SAMD3: variants seen among roughly 807,000 people sequenced by gnomAD.
The protein encoded by SAMD3 is sterile alpha motif domain containing 3, also known as sterile alpha motif domain-containing protein 3.
SAMD3 carries 63 observed loss-of-function variants against 58.5 expected under a neutral mutation model. The observed-to-expected ratio is 1.08, with a 90% CI of 0.88 to 1.33. The LOEUF is 1.33. Among genes scored for constraint, SAMD3 ranks in the 40% most tolerant of loss-of-function variants. SAMD3 has a pLI of 0.00. For missense variants in SAMD3, 604 were observed against 608.4 expected, an observed-to-expected ratio of 0.99 and a Z score of 0.08; for synonymous variants, 220 against 210.3, an observed-to-expected ratio of 1.05 and a Z score of -0.40.
intron 8 of SAMD3, among the ~76,000 whole-genome samples, chr6:130,170,016 C>T (rs1388756836): frequency 5.3e-5 from 8 of 152,080 alleles, no homozygotes; most frequent in African/African-American, 1.9e-4. Flanking sequence ...TAATGTAATG[C>T]TGTTATTTTA....
At position 130,154,813 on chromosome 6, in the gene SAMD3, G is replaced by T. The variant is rs1239472463; in HGVS notation, c.1023+12C>A. 4 of 1,528,856 alleles carry T rather than the reference G, an allele frequency of 2.6e-6. No homozygotes were observed. The highest frequency in any genetic ancestry group is 2.3e-5 in the East Asian group (1 of 42,816). 94.7% of individuals were successfully genotyped at this position (1,528,856 alleles called of 1,614,324 possible). ...ATATATGTGTGTGTATATATATATA[G>T]AATAAAGATACCTGATAAGGGCACT... On this transcript the variant is annotated intron_variant, in intron 9 of 11. Transcript: ENST00000439090.
At chr6:130,240,553 C>G (rs1773319957) in intron 2 of SAMD3, among the ~76,000 whole-genome samples, 1 of 152,160 alleles carries the variant, frequency 6.6e-6, no homozygotes, top group Non-Finnish European at 1.5e-5. Flanking sequence ...ATAGTGAATG[C>G]TGTGGTTTAA....
chr6:130,167,632 C>G (rs555891273), intron 8 of SAMD3, among the ~76,000 whole-genome samples: 2 of 152,210 alleles, frequency 1.3e-5, no homozygotes, highest in Non-Finnish European at 2.9e-5. Context: ...TATAAATACA[C>G]GATGAGGTAC....
chr6:130,355,221 C>G (rs555757238), intron 1 of SAMD3, among the ~76,000 whole-genome samples: 1 of 152,026 alleles, frequency 6.6e-6, no homozygotes, highest in African/African-American at 2.4e-5. Context: ...GCCGGGAGCT[C>G]GAGACCAGCC....
Position 130,209,499 on chromosome 6 carries a change from G to C in SAMD3, c.379C>G (p.Gln127Glu), listed in dbSNP as rs1423655842. 5.7e-6 allele frequency: 9 copies of C among 1,589,506 alleles called. No individual in the cohort carries two copies. The South Asian group carries it at 8.8e-5, about 16-fold the overall frequency. Residue 127 changes from glutamine to glutamate, a missense_variant, in exon 5 of 12, where the codon CAG (glutamine) becomes GAG (glutamate). Coordinates refer to ENST00000439090, the MANE Select transcript of SAMD3 (RefSeq NM_001017373.4). ...TCTTAAAGTTGGTACCCCCACCTCT[G>C]TTTCAATACTCTTTGGTCAATTAGT... ...NGLIDQRVLK[Q>E]RRNVKQILAR...
chr6:130,143,407 G>A (rs866248207), downstream of SAMD3, among the ~76,000 whole-genome samples: 18 of 151,990 alleles, frequency 1.2e-4, no homozygotes, highest in Non-Finnish European at 8.8e-5. Flanking sequence ...TACCACACCC[G>A]GCTAATTTGT....
In SAMD3 at chr6:130,222,735, GAGA is replaced by G. The variant is rs1562465496; in HGVS notation, c.-112_-110del. ...GGCTTTTGGTCCATCTCTTCCAGAA[GAGA>G]AGATCAAAGGAGAGAGCACCCCTCC... On this transcript the variant is annotated 5_prime_UTR_variant, in exon 1 of 12. Coordinates refer to ENST00000439090, the MANE Select transcript of SAMD3 (RefSeq NM_001017373.4). 6.6e-6 allele frequency: 1 copy of G among 152,210 alleles called. No individual in the cohort carries two copies. The allele number at this position is 152,210 out of a possible 1,614,324, so 9.4% of individuals were successfully genotyped here. A position where few individuals can be genotyped will look rare whatever the true frequency, so the allele number is the denominator to read the frequency against.
At chr6:130,318,718 T>C (rs6913429) in intron 1 of SAMD3, among the ~76,000 whole-genome samples, 64,485 of 151,886 alleles carry the variant, frequency 0.42, 15,291 homozygotes, top group African/African-American at 0.64. Context: ...CATGAGCCAC[T>C]GTGCCCAGCC....
chr6:130,353,643 T>C (rs907634953), intron 1 of SAMD3, among the ~76,000 whole-genome samples: 3 of 152,136 alleles, frequency 2.0e-5, no homozygotes, highest in African/African-American at 7.2e-5. Context: ...TTATCCAAAA[T>C]AAGCTTTGAC....
intron 8 of SAMD3, among the ~76,000 whole-genome samples, chr6:130,166,846 C>T (rs376297210): frequency 6.6e-6 from 1 of 152,150 alleles, no homozygotes; most frequent in Non-Finnish European, 1.5e-5. Flanking sequence ...ACCTATTAGT[C>T]TCAGCAGCAT....
chr6:130,358,481 C>T (rs1348737853), intron 1 of SAMD3, among the ~76,000 whole-genome samples: 3 of 152,132 alleles, frequency 2.0e-5, no homozygotes, highest in Non-Finnish European at 2.9e-5. Context: ...CTTCCAAAAT[C>T]TGTCATTTAT....
chr6:130,197,431 T>C (rs1794237043), intron 5 of SAMD3, among the ~76,000 whole-genome samples: 1 of 152,248 alleles, frequency 6.6e-6, no homozygotes, highest in Non-Finnish European at 1.5e-5. Context: ...AAATAATCTT[T>C]GCTGGTAGGA....
intron 2 of SAMD3, among the ~76,000 whole-genome samples, chr6:130,308,936 A>T (rs1776043186): frequency 6.6e-6 from 1 of 152,164 alleles, no homozygotes; most frequent in Admixed American, 6.5e-5. Flanking sequence ...AAACAGGCAT[A>T]ATTATTATCC....
In SAMD3 at chr6:130,184,642, C is replaced by G. The variant is rs765256553; in HGVS notation, c.384-19G>C. On this transcript the variant is annotated intron_variant, in intron 5 of 11. Transcript: ENST00000439090. ...ATTTCTTCTGTGAAATAAAAACACACAAAGAATGAAATTCTATTCCAAATA... is the reference window on the plus strand; with the variant it reads ...ATTTCTTCTGTGAAATAAAAACACAGAAAGAATGAAATTCTATTCCAAATA... 2 of 1,586,576 alleles carry G rather than the reference C, an allele frequency of 1.3e-6. No homozygotes were observed. Among genetic ancestry groups the G allele is most frequent in the African/African-American group, 2.7e-5 (2 of 74,358 alleles).
intron 1 of SAMD3, among the ~76,000 whole-genome samples, chr6:130,350,219 C>T (rs896551629): frequency 2.0e-5 from 3 of 152,092 alleles, no homozygotes; most frequent in African/African-American, 7.2e-5. Context: ...AAGTTCTGGG[C>T]AGGGCATTCA....
chr6:130,192,363 T>A (rs760299911), intron 5 of SAMD3, among the ~76,000 whole-genome samples: 22 of 152,198 alleles, frequency 1.4e-4, no homozygotes, highest in Non-Finnish European at 2.4e-4. Flanking sequence ...GACCTGCACA[T>A]ACACATCCAG....
chr6:130,298,338 G>A (rs1056341970), intron 2 of SAMD3, among the ~76,000 whole-genome samples: 1 of 152,054 alleles, frequency 6.6e-6, no homozygotes, highest in Non-Finnish European at 1.5e-5. Context: ...AATGCTACGG[G>A]AATTTGTCAT....
intron 5 of SAMD3, among the ~76,000 whole-genome samples, chr6:130,195,764 T>G (rs1445705332): frequency 2.6e-5 from 4 of 152,180 alleles, no homozygotes. Flanking sequence ...ATCTGTTACC[T>G]GTCTCAGCGT....
chr6:130,346,875 G>C (rs962070542), intron 1 of SAMD3, among the ~76,000 whole-genome samples: 3 of 152,174 alleles, frequency 2.0e-5, no homozygotes, highest in Non-Finnish European at 4.4e-5. Flanking sequence ...ACTCCTCTGA[G>C]ACAAAACTTC....
Sources: allele counts gnomAD v4.1 joint callset (sites outside exome capture counted in the v4.1 genomes callset), GRCh38; gene constraint gnomAD v4.1.1; transcripts MANE v1.5; gene names NCBI Gene and HGNC (gene_info 2026-07-23, HGNC 2026-07-21).